The following ZNF462 variants were observed in gnomAD, a reference collection of about 807,000 sequenced individuals.
ZNF462 encodes zinc finger protein 462, also known as zinc finger PBX1-interacting protein.
ZNF462 carries 10 observed loss-of-function variants against 201.9 expected under a neutral mutation model. That is an observed-to-expected ratio of 0.05 (90% CI 0.03 to 0.08). The LOEUF (loss-of-function observed/expected upper bound fraction) is 0.08. ZNF462 is among the 10% of genes least tolerant of loss of function. The probability of loss-of-function intolerance (pLI) is 1.00; values close to 1 mark genes in which losing one functional copy is unlikely to be tolerated. For synonymous variants in ZNF462, 1,227 were observed against 1,193.3 expected, an observed-to-expected ratio of 1.03 and a Z score of -0.58; for missense variants, 2,523 against 3,168.3, an observed-to-expected ratio of 0.80 and a Z score of 4.89.
rs1414217133 is a variant in ZNF462, at chr9:106,954,734, T to C, written c.6427+15627T>C. Reference sequence around the variant, plus strand: ...CTTGCAAATTCCTTCATTTCTGTGATGCAACAGTGATCTCCCGAGATGTGA... The same window carrying C: ...CTTGCAAATTCCTTCATTTCTGTGACGCAACAGTGATCTCCCGAGATGTGA... On this transcript the variant is annotated intron_variant, in intron 7 of 12. Coordinates refer to ENST00000277225, the MANE Select transcript of ZNF462 (RefSeq NM_021224.6). This position sits in a 1 kb window ranked among gnomAD's most constrained non-coding sequence, Gnocchi z 4.0. Among the ~76,000 whole-genome samples the C allele has an allele frequency of 1.3e-5, 2 of 152,278 alleles. No homozygotes were observed. Among genetic ancestry groups the C allele is most frequent in the East Asian group, 3.9e-4 (2 of 5,174 alleles).
Position 106,923,300 on chromosome 9 carries a change from G to C in ZNF462, c.-30-54G>C, listed in dbSNP as rs547729816. The C allele has an allele frequency of 1.5e-6, 2 of 1,336,232 alleles. No individual in the cohort carries two copies. Among genetic ancestry groups the C allele is most frequent in the Admixed American group, 3.4e-5 (2 of 58,794 alleles). 82.8% of individuals were successfully genotyped at this position (1,336,232 alleles called of 1,614,324 possible). On this transcript the variant is annotated intron_variant, in intron 1 of 12. Coordinates refer to ENST00000277225, the MANE Select transcript of ZNF462 (RefSeq NM_021224.6). The surrounding 1 kb of genome is among the most constrained non-coding windows in gnomAD (Gnocchi z 5.6). The stretch of plus-strand genomic sequence containing the variant: ...AATGGATATATAGCCCCATCAGCTC[G>C]AGGTATGTGATTAGTGCATTCCTTA...
At chr9:106,907,294 T>C (rs1829312589) in intron 1 of ZNF462, among the ~76,000 whole-genome samples, 1 of 152,172 alleles carries the variant, frequency 6.6e-6, no homozygotes, top group Middle Eastern at 3.2e-3. Flanking sequence ...GATTTGGAAA[T>C]ACATTGGTAA....
At chr9:106,860,757 G>A (rs1196979354), upstream of ZNF462, among the ~76,000 whole-genome samples, 3 of 152,194 alleles carry the variant, frequency 2.0e-5, no homozygotes, top group Non-Finnish European at 2.9e-5. This position sits in a 1 kb window ranked among gnomAD's most constrained non-coding sequence, Gnocchi z 7.1. Context: ...GTTGCCACGA[G>A]GAATTTATGG....
intron 1 of ZNF462, among the ~76,000 whole-genome samples, chr9:106,915,377 G>A (rs1389390270): frequency 1.3e-5 from 2 of 152,086 alleles, no homozygotes; most frequent in Non-Finnish European, 2.9e-5. Context: ...TTGTGTTGGT[G>A]GACAAATGTC....
rs1554716097 is a variant in ZNF462 at position 106,987,027 on chromosome 9, A to AGATAGAT, written c.7056+2619_7056+2625dup. Among the ~76,000 whole-genome samples the AGATAGAT allele has an allele frequency of 9.4e-5, 14 of 148,734 alleles. No individual in the cohort carries two copies. The East Asian group carries it at 2.0e-3, about 21-fold the overall frequency. Reference sequence around the variant, plus strand: ...TAGATAGATAGATAGATAGATAGATAGATAGATAGATATCACAGTTTCTTT... The same window carrying AGATAGAT: ...TAGATAGATAGATAGATAGATAGATAGATAGATGATAGATAGATATCACAGTTTCTTT... On this transcript the variant is annotated intron_variant, in intron 10 of 12. Transcript: ENST00000277225.
chr9:106,904,561 A>G (rs1298797379), intron 1 of ZNF462, among the ~76,000 whole-genome samples: 1 of 152,082 alleles, frequency 6.6e-6, no homozygotes, highest in Non-Finnish European at 1.5e-5. Context: ...CCTCAGGTAC[A>G]CTGATTATTC....
chr9:106,926,041 C>T lies in ZNF462; in HGVS notation c.2129C>T (p.Thr710Ile), dbSNP rs563504428. ...ASNLQSKINQTKQQEDAVINV... is the reference protein window; with the variant it reads ...ASNLQSKINQIKQQEDAVINV... ...AACCTTCAGAGCAAAATTAACCAAACCAAACAGCAGGAAGATGCAGTGATC... is the reference window on the plus strand; with the variant it reads ...AACCTTCAGAGCAAAATTAACCAAATCAAACAGCAGGAAGATGCAGTGATC... Residue 710 changes from threonine (T) to isoleucine (I), a missense_variant, in exon 3 of 13, where the codon ACC becomes ATC. Physicochemically the swap from Thr to Ile is moderately conservative, Grantham distance 89. Coordinates refer to ENST00000277225, the MANE Select transcript of ZNF462 (RefSeq NM_021224.6). This position sits in a 1 kb window ranked among gnomAD's most constrained non-coding sequence, Gnocchi z 7.9. 1.6e-5 allele frequency: 26 copies of T among 1,614,180 alleles called. No homozygotes were observed. The East Asian group carries it at 4.2e-4, about 26-fold the overall frequency.
At chr9:106,931,942 A>G (rs181316060) in intron 4 of ZNF462, among the ~76,000 whole-genome samples, 1 of 152,190 alleles carries the variant, frequency 6.6e-6, no homozygotes, top group Admixed American at 6.5e-5. Context: ...GTCAACTTAG[A>G]TGGGGTTGCA....
upstream of ZNF462, among the ~76,000 whole-genome samples, chr9:106,860,535 C>A (rs1272799011): frequency 1.3e-5 from 2 of 152,154 alleles, no homozygotes; most frequent in Admixed American, 1.3e-4. The surrounding 1 kb of genome is among the most constrained non-coding windows in gnomAD (Gnocchi z 7.1). Context: ...GGACTTACGA[C>A]CCAAGCCAAC....
At chr9:106,936,731 G>T (rs1830647780) in intron 6 of ZNF462, among the ~76,000 whole-genome samples, 1 of 152,174 alleles carries the variant, frequency 6.6e-6, no homozygotes, top group Non-Finnish European at 1.5e-5. Context: ...GGTGAGTTTT[G>T]CCCATAGGCC....
upstream of ZNF462, among the ~76,000 whole-genome samples, chr9:106,862,565 TCTC>T (rs201833789): frequency 0.011 from 1,656 of 151,150 alleles, 35 homozygotes; most frequent in African/African-American, 0.038. This position sits in a 1 kb window ranked among gnomAD's most constrained non-coding sequence, Gnocchi z 4.2. Flanking sequence ...TTTGCCTCCT[TCTC>T]CTCCTCTTCC....
intron 7 of ZNF462, among the ~76,000 whole-genome samples, chr9:106,955,875 G>A (rs889050895): frequency 6.6e-6 from 1 of 152,060 alleles, no homozygotes; most frequent in Non-Finnish European, 1.5e-5. Flanking sequence ...ATGAGAATCA[G>A]TCACCTCTCC....
chr9:106,868,747 G>C (rs1388079293), intron 1 of ZNF462, among the ~76,000 whole-genome samples: 1 of 152,122 alleles, frequency 6.6e-6, no homozygotes, highest in Non-Finnish European at 1.5e-5. Flanking sequence ...CAGGTCGGCC[G>C]ACTCCAGCCT....
chr9:106,963,713 C>T lies in ZNF462; in HGVS notation c.6428-8292C>T, dbSNP rs181647516. On this transcript the variant is annotated intron_variant, in intron 7 of 12. Transcript: ENST00000277225. The surrounding 1 kb of genome is among the most constrained non-coding windows in gnomAD (Gnocchi z 4.7). ...AAAAACCATATAACATGGGAATTTA[C>T]CCTCTTAACAAATTTCTAAGTATAT... Among the ~76,000 whole-genome samples, 5 of 152,104 alleles carry T rather than the reference C, an allele frequency of 3.3e-5. No individual in the cohort carries two copies. The East Asian group carries it at 9.7e-4, about 29-fold the overall frequency.
chr9:106,991,838 C>CCACACACACA (rs774752725), intron 10 of ZNF462, among the ~76,000 whole-genome samples: 11 of 128,230 alleles, frequency 8.6e-5, no homozygotes, highest in African/African-American at 1.8e-4. Flanking sequence ...ACAGCACTCT[C>CCACACACACA]TACACACACA....
rs1320970828 is a variant in ZNF462, at chr9:106,970,143, A to G, written c.6428-1862A>G. ...TAGGGTAGAGGAATAAAGAAAAAGG[A>G]GATAAAAGAACTGGGTAAAATGAAT... On this transcript the variant is annotated intron_variant, in intron 7 of 12. Coordinates refer to ENST00000277225, the MANE Select transcript of ZNF462 (RefSeq NM_021224.6). This position sits in a 1 kb window ranked among gnomAD's most constrained non-coding sequence, Gnocchi z 4.2. Among the ~76,000 whole-genome samples, 1 of 152,224 alleles carries G rather than the reference A, an allele frequency of 6.6e-6. No individual in the cohort carries two copies. Among genetic ancestry groups the G allele is most frequent in the Non-Finnish European group, 1.5e-5 (1 of 68,038 alleles).
upstream of ZNF462, among the ~76,000 whole-genome samples, chr9:106,862,574 C>T (rs974844052): frequency 6.6e-6 from 1 of 152,092 alleles, no homozygotes; most frequent in Non-Finnish European, 1.5e-5. The surrounding 1 kb of genome is among the most constrained non-coding windows in gnomAD (Gnocchi z 4.2). Context: ...TTCTCCTCCT[C>T]TTCCTCCCCC....
chr9:106,903,830 C>T (rs966666118), intron 1 of ZNF462, among the ~76,000 whole-genome samples: 1 of 152,114 alleles, frequency 6.6e-6, no homozygotes, highest in Non-Finnish European at 1.5e-5. Context: ...AGTTGAGTCT[C>T]CTGAAGGCAG....
rs370421225 is a variant in ZNF462, at chr9:106,938,102, G to A, written c.6236-814G>A. Reference sequence around the variant, plus strand: ...ATTAATTTAACAGGTAATATATGGCGAAGGTAAATCACACTTTAACTTAAT... The same window carrying A: ...ATTAATTTAACAGGTAATATATGGCAAAGGTAAATCACACTTTAACTTAAT... On this transcript the variant is annotated intron_variant, in intron 6 of 12. Coordinates refer to ENST00000277225, the MANE Select transcript of ZNF462 (RefSeq NM_021224.6). The surrounding 1 kb of genome is among the most constrained non-coding windows in gnomAD (Gnocchi z 4.4). Among the ~76,000 whole-genome samples, 11 of 152,176 alleles carry A rather than the reference G, an allele frequency of 7.2e-5. No homozygotes were observed. Among genetic ancestry groups the A allele is most frequent in the South Asian group, 6.2e-4 (3 of 4,832 alleles).
Sources: gnomAD v4.1 joint callset for allele counts (sites outside exome capture counted in the v4.1 genomes callset) on GRCh38, gnomAD v4.1.1 for gene constraint, Gnocchi (gnomAD v3.1) non-coding constraint, MANE v1.5 for transcripts, NCBI Gene and HGNC (gene_info 2026-07-23, HGNC 2026-07-21) for gene names.